The following DGKG variants were observed in gnomAD, a reference collection of about 807,000 sequenced individuals.
DGKG encodes the protein diacylglycerol kinase gamma, also known as DAG kinase gamma.
A neutral mutation model predicts 105.3 loss-of-function variants in DGKG; 78 were observed. That is an observed-to-expected ratio of 0.74 (90% CI 0.62 to 0.89). The LOEUF (loss-of-function observed/expected upper bound fraction) is 0.89. Among genes scored for constraint, DGKG ranks in the 40% least tolerant of loss-of-function variants. The pLI is 0.00. For missense variants in DGKG, 958 were observed against 1,020.1 expected (o/e 0.94, Z 0.83); for synonymous variants, 346 against 367.1 (o/e 0.94, Z 0.66).
Position 186,148,841 on chromosome 3 carries a change from C to T in DGKG, c.*1249G>A, listed in dbSNP as rs1011325920. On this transcript the variant is annotated 3_prime_UTR_variant, in exon 25 of 25. Coordinates refer to ENST00000265022, the MANE Select transcript of DGKG (RefSeq NM_001346.3). Reference sequence around the variant, plus strand: ...TGTGATCACCACAGGGAGATGCGTCCTGACAATGAAACGGTGGAGTGGGGG... The same window carrying T: ...TGTGATCACCACAGGGAGATGCGTCTTGACAATGAAACGGTGGAGTGGGGG... 2 of 985,054 alleles carry T rather than the reference C, an allele frequency of 2.0e-6. No homozygotes were observed. Among genetic ancestry groups the T allele is most frequent in the African/African-American group, 3.5e-5 (2 of 57,054 alleles). 61.0% of individuals were successfully genotyped at this position (985,054 alleles called of 1,614,324 possible). A position where few individuals can be genotyped will look rare whatever the true frequency, so the allele number is the denominator to read the frequency against.
intron 24 of DGKG, among the ~76,000 whole-genome samples, chr3:186,156,573 A>G (rs1716045439): frequency 6.6e-6 from 1 of 152,068 alleles, no homozygotes; most frequent in African/African-American, 2.4e-5. Context: ...AACATCCTAG[A>G]AATTGCATTG....
chr3:186,161,200 G>GGTA, intron 24 of DGKG: 3 of 986,248 alleles, frequency 3.0e-6, no homozygotes, highest in South Asian at 4.6e-5. Context: ...GTGTAGATTT[G>GGTA]GCTTCCACGT....
At chr3:186,156,830 C>G (rs1332592897) in intron 24 of DGKG, among the ~76,000 whole-genome samples, 1 of 151,830 alleles carries the variant, frequency 6.6e-6, no homozygotes, top group African/African-American at 2.4e-5. Flanking sequence ...TGCCGGAAAA[C>G]TTAATATTTG....
At chr3:186,330,185 T>C (rs976167533) in intron 1 of DGKG, among the ~76,000 whole-genome samples, 2 of 152,202 alleles carry the variant, frequency 1.3e-5, no homozygotes, top group Non-Finnish European at 2.9e-5. Context: ...CCATAAAATA[T>C]ACATCAACAC....
rs1170691406 is a variant in DGKG at position 186,244,405 on chromosome 3, A to ATTTT, written c.1762-1838_1762-1837insAAAA. Reference sequence around the variant, plus strand: ...TTTAAAATTTAAACTTTAGCTATTGATGTTTTTTTTTTTTTTTGAGATAGA... The same window carrying ATTTT: ...TTTAAAATTTAAACTTTAGCTATTGATTTTTGTTTTTTTTTTTTTTTGAGATAGA... On this transcript the variant is annotated intron_variant, in intron 19 of 24. Coordinates refer to ENST00000265022, the MANE Select transcript of DGKG (RefSeq NM_001346.3). Among the ~76,000 whole-genome samples the ATTTT allele has an allele frequency of 2.4e-3, 329 of 140,000 alleles. 1 individual carries two copies. Among genetic ancestry groups the ATTTT allele is most frequent in the African/African-American group, 8.1e-3 (295 of 36,638 alleles). The allele number at this position is 140,000 out of a possible 152,430, so 91.8% of individuals were successfully genotyped here.
chr3:186,210,719 C>T lies in DGKG; in HGVS notation c.1917+1076G>A. ...CTCCTCCAGGGAGGCCCAGGCCCCACTGGACTGCAGTGCGGGCTTAGAGGC... is the reference window on the plus strand; with the variant it reads ...CTCCTCCAGGGAGGCCCAGGCCCCATTGGACTGCAGTGCGGGCTTAGAGGC... On this transcript the variant is annotated intron_variant, in intron 21 of 24. Transcript: ENST00000265022. This position sits in a 1 kb window ranked among gnomAD's most constrained non-coding sequence, Gnocchi z 5.2. 2.4e-6 allele frequency: 1 copy of T among 422,866 alleles called. No individual in the cohort carries two copies. Among genetic ancestry groups the T allele is most frequent in the Non-Finnish European group, 4.7e-6 (1 of 213,562 alleles). The allele number at this position is 422,866 out of a possible 1,614,324, so 26.2% of individuals were successfully genotyped here. A position where few individuals can be genotyped will look rare whatever the true frequency, so the allele number is the denominator to read the frequency against.
intron 11 of DGKG, among the ~76,000 whole-genome samples, chr3:186,271,692 A>T (rs1722324093): frequency 6.6e-6 from 1 of 151,958 alleles, no homozygotes; most frequent in African/African-American, 2.4e-5. Context: ...AGATCTCACC[A>T]CTTTCTGAGT....
intron 3 of DGKG, among the ~76,000 whole-genome samples, chr3:186,306,042 A>G (rs1724220125): frequency 6.6e-6 from 1 of 152,214 alleles, no homozygotes; most frequent in South Asian, 2.1e-4. Context: ...GGATGACTTG[A>G]CCAACCGTGT....
intron 1 of DGKG, among the ~76,000 whole-genome samples, chr3:186,359,164 G>A (rs549735870): frequency 2.0e-5 from 3 of 152,136 alleles, no homozygotes; most frequent in Admixed American, 1.3e-4. Context: ...AACTATGGCC[G>A]AGTTGTTTCT....
In DGKG at chr3:186,243,243, G is replaced by T. The variant is rs541261762; in HGVS notation, c.1762-675C>A. ...AATTAAACTCTGGCTTCTGCTTCTT[G>T]ATCACTTCACTCGAAGGACTCCCTC... On this transcript the variant is annotated intron_variant, in intron 19 of 24. Transcript: ENST00000265022. Among the ~76,000 whole-genome samples the T allele has an allele frequency of 4.6e-5, 7 of 151,408 alleles. No homozygotes were observed. In the East Asian group the frequency reaches 1.4e-3, roughly 29 times the overall value.
chr3:186,299,805 C>CTTTCTTTCTTTCTTTCTT (rs1723799178), intron 3 of DGKG, among the ~76,000 whole-genome samples: 1 of 95,590 alleles, frequency 1.0e-5, no homozygotes, highest in African/African-American at 4.1e-5. Flanking sequence ...TTCTTTCTTT[C>CTTTCTTTCTTTCTTTCTT]TTTCTTTCTT....
At position 186,349,910 on chromosome 3, in the gene DGKG, G is replaced by T. The variant is rs190564088; in HGVS notation, c.-249+12036C>A. 6.8e-4 allele frequency among the ~76,000 whole-genome samples: 103 copies of T among 151,158 alleles called. 1 individual carries two copies. Among genetic ancestry groups the T allele is most frequent in the East Asian group, 5.2e-3 (27 of 5,170 alleles). Reference sequence around the variant, plus strand: ...GAACCTTTTTTTTTTTTTGAGATAGGGTCTCACTCTCTTGCCCAGGCTAGA... The same window carrying T: ...GAACCTTTTTTTTTTTTTGAGATAGTGTCTCACTCTCTTGCCCAGGCTAGA... On this transcript the variant is annotated intron_variant, in intron 1 of 24. Coordinates refer to ENST00000265022, the MANE Select transcript of DGKG (RefSeq NM_001346.3).
At chr3:186,237,280 A>C (rs1720463293) in intron 20 of DGKG, among the ~76,000 whole-genome samples, 1 of 151,894 alleles carries the variant, frequency 6.6e-6, no homozygotes, top group African/African-American at 2.4e-5. Context: ...TGAGATGTGG[A>C]CTCCAGGGCC....
chr3:186,173,876 C>T (rs1357951897), intron 22 of DGKG, among the ~76,000 whole-genome samples: 2 of 152,230 alleles, frequency 1.3e-5, no homozygotes, highest in East Asian at 1.9e-4. Context: ...TCTTCATCCC[C>T]CATGTTCCTG....
At chr3:186,295,568 G>A (rs113068297) in intron 5 of DGKG, among the ~76,000 whole-genome samples, 6,330 of 141,676 alleles carry the variant, frequency 0.045, 470 homozygotes, top group African/African-American at 0.15. Context: ...TTTTCCCCTG[G>A]GCATATCCTA....
intron 20 of DGKG, among the ~76,000 whole-genome samples, chr3:186,233,569 T>G (rs1460572591): frequency 2.0e-5 from 3 of 152,102 alleles, no homozygotes; most frequent in South Asian, 2.1e-4. Context: ...AAGCTCCGCC[T>G]CCCGGGTTCA....
intron 20 of DGKG, among the ~76,000 whole-genome samples, chr3:186,225,799 ATTTCC>A (rs1719832683): frequency 1.3e-5 from 2 of 152,108 alleles, no homozygotes; most frequent in Non-Finnish European, 2.9e-5. Flanking sequence ...TCCCCTGGGA[ATTTCC>A]CTGGACGATG....
At chr3:186,254,735 G>A (rs1578732217) in intron 17 of DGKG, among the ~76,000 whole-genome samples, 2 of 151,864 alleles carry the variant, frequency 1.3e-5, no homozygotes, top group Non-Finnish European at 2.9e-5. Context: ...CCTCCTCTCG[G>A]CTCTCTCCGC....
intron 20 of DGKG, among the ~76,000 whole-genome samples, chr3:186,232,497 A>C (rs1720201147): frequency 6.6e-6 from 1 of 152,248 alleles, no homozygotes; most frequent in Admixed American, 6.5e-5. Context: ...TAGCTTTATA[A>C]AAACACATTA....
Sources: gnomAD v4.1 joint callset for allele counts (sites outside exome capture counted in the v4.1 genomes callset) on GRCh38, gnomAD v4.1.1 for gene constraint, Gnocchi (gnomAD v3.1) non-coding constraint, MANE v1.5 for transcripts, NCBI Gene and HGNC (gene_info 2026-07-23, HGNC 2026-07-21) for gene names.